The following UNC13C variants were observed in gnomAD, a reference collection of about 807,000 sequenced individuals.
UNC13C encodes the protein protein unc-13 homolog C.
In UNC13C, 174 loss-of-function variants were observed where a neutral mutation model predicts 245.4. That is an observed-to-expected ratio of 0.71 (90% CI 0.63 to 0.80). The LOEUF is 0.80. Ranked by LOEUF, UNC13C falls within the 30% of genes least tolerant of loss-of-function variation. The pLI is 0.00. For missense variants in UNC13C, 2,829 were observed against 2,602.9 expected (o/e 1.09, Z -1.89); for synonymous variants, 992 against 895.1 (o/e 1.11, Z -1.93).
chr15:54,327,938 C>G (rs1227896103), intron 14 of UNC13C, among the ~76,000 whole-genome samples: 1 of 151,956 alleles, frequency 6.6e-6, no homozygotes, highest in African/African-American at 2.4e-5. Context: ...AAAATATTTC[C>G]ATGTGAAGGG....
intron 10 of UNC13C, among the ~76,000 whole-genome samples, chr15:54,268,331 A>G (rs1399990717): frequency 2.0e-5 from 3 of 152,064 alleles, no homozygotes; most frequent in Middle Eastern, 3.2e-3. Context: ...CCATGCCTCA[A>G]CTTAAATTTT....
intron 4 of UNC13C, among the ~76,000 whole-genome samples, chr15:54,211,805 T>C (rs2034886856): frequency 6.6e-6 from 1 of 152,142 alleles, no homozygotes; most frequent in African/African-American, 2.4e-5. Flanking sequence ...AATGAGCTTG[T>C]ATGACAACTC....
At chr15:54,309,937 A>G (rs1032699766) in intron 13 of UNC13C, among the ~76,000 whole-genome samples, 6 of 151,800 alleles carry the variant, frequency 4.0e-5, no homozygotes, top group South Asian at 2.1e-4. Flanking sequence ...AACTTTTCCC[A>G]TGGAACTAAA....
chr15:54,184,740 G>A (rs1318696874), intron 4 of UNC13C, among the ~76,000 whole-genome samples: 1 of 152,162 alleles, frequency 6.6e-6, no homozygotes, highest in Non-Finnish European at 1.5e-5. Flanking sequence ...ATGTGCATGT[G>A]TCTTTATAGC....
chr15:54,107,900 T>A (rs1461921444), intron 2 of UNC13C, among the ~76,000 whole-genome samples: 7 of 152,180 alleles, frequency 4.6e-5, no homozygotes, highest in African/African-American at 1.7e-4. Flanking sequence ...ACACATGAGT[T>A]GAGTCTTGAG....
chr15:54,034,546 T>G (rs1012089739), intron 2 of UNC13C, among the ~76,000 whole-genome samples: 3 of 152,224 alleles, frequency 2.0e-5, no homozygotes, highest in African/African-American at 7.2e-5. Context: ...ATTTTTGAGT[T>G]TCCTTAAAAA....
chr15:54,543,970 A>C (rs1896365641), intron 26 of UNC13C, among the ~76,000 whole-genome samples: 2 of 152,224 alleles, frequency 1.3e-5, no homozygotes. Flanking sequence ...CCTGATAACA[A>C]AACCTGGCAG....
chr15:54,617,839 T>G lies in UNC13C; in HGVS notation c.6107-4488T>G, dbSNP rs548739068. On this transcript the variant is annotated intron_variant, in intron 30 of 32. Transcript: ENST00000260323. ...CCTGGACCTGAAGATGGAGGAGCTA[T>G]GGGGCAGATGAGCTTGATATTTAAT... is the stretch of plus-strand genomic sequence containing the variant. Among the ~76,000 whole-genome samples the G allele has an allele frequency of 3.9e-5, 6 of 152,170 alleles. 1 individual carries two copies. Among genetic ancestry groups the G allele is most frequent in the African/African-American group, 1.4e-4 (6 of 41,534 alleles).
At chr15:54,088,494 G>C (rs1284241085) in intron 2 of UNC13C, among the ~76,000 whole-genome samples, 1 of 152,166 alleles carries the variant, frequency 6.6e-6, no homozygotes, top group African/African-American at 2.4e-5. Flanking sequence ...TGGCGGTTCT[G>C]CTGATCCATA....
At chr15:54,219,513 C>G (rs1305831921) in intron 4 of UNC13C, among the ~76,000 whole-genome samples, 2 of 148,882 alleles carry the variant, frequency 1.3e-5, no homozygotes, top group Non-Finnish European at 3.0e-5. Flanking sequence ...CAAACCTAGG[C>G]ATTACCATTC....
At chr15:54,123,971 C>G (rs2030855926) in intron 2 of UNC13C, among the ~76,000 whole-genome samples, 1 of 152,214 alleles carries the variant, frequency 6.6e-6, no homozygotes, top group East Asian at 1.9e-4. Context: ...TGGAGACTGG[C>G]TTTTTTCACT....
intron 8 of UNC13C, among the ~76,000 whole-genome samples, chr15:54,257,641 C>T (rs1234281246): frequency 6.6e-6 from 1 of 152,138 alleles, no homozygotes; most frequent in Non-Finnish European, 1.5e-5. Flanking sequence ...GATAGAGTTA[C>T]CTACAGGCTC....
chr15:54,209,612 C>T (rs2034819501), intron 4 of UNC13C, among the ~76,000 whole-genome samples: 1 of 151,972 alleles, frequency 6.6e-6, no homozygotes, highest in African/African-American at 2.4e-5. Flanking sequence ...CAGGATTTTG[C>T]CATATTGCCA....
chr15:54,420,210 G>A (rs1011044142), intron 19 of UNC13C, among the ~76,000 whole-genome samples: 6 of 152,042 alleles, frequency 3.9e-5, no homozygotes, highest in South Asian at 4.1e-4. Context: ...ACATACGTAA[G>A]TAGCTCCTGT....
rs377324818 is a variant in UNC13C, at chr15:54,060,681, C to T, written c.2983+44795C>T. 2.1e-4 allele frequency among the ~76,000 whole-genome samples: 32 copies of T among 150,898 alleles called. No homozygotes were observed. The East Asian group carries it at 2.9e-3, about 14-fold the overall frequency. ...GACACATGCACACGTATGTTTATTG[C>T]GGCACTATTCACAATAGCAAAGACT... On this transcript the variant is annotated intron_variant, in intron 2 of 32. Transcript: ENST00000260323.
chr15:53,850,563 G>C, the UNC13C span, among the ~76,000 whole-genome samples: 7 of 151,864 alleles, frequency 4.6e-5, no homozygotes, highest in Admixed American at 6.6e-5. Flanking sequence ...ATCATTCCTT[G>C]TTGCACTGAA....
chr15:54,290,484 G>A (rs1042201805), intron 10 of UNC13C, among the ~76,000 whole-genome samples: 5 of 151,930 alleles, frequency 3.3e-5, no homozygotes, highest in South Asian at 4.2e-4. Flanking sequence ...ACTTATACAA[G>A]GAACATCAGT....
chr15:54,045,318 C>T (rs1896988878), intron 2 of UNC13C, among the ~76,000 whole-genome samples: 1 of 152,030 alleles, frequency 6.6e-6, no homozygotes, highest in Admixed American at 6.6e-5. Flanking sequence ...TTTTTCTGTT[C>T]CCCATTGAAT....
At chr15:54,431,904 AC>A (rs1281431662) in intron 19 of UNC13C, among the ~76,000 whole-genome samples, 1 of 151,690 alleles carries the variant, frequency 6.6e-6, no homozygotes, top group African/African-American at 2.4e-5. Context: ...TCCTAGAGTA[AC>A]AAAAAGATAA....
Sources: allele counts gnomAD v4.1 joint callset (sites outside exome capture counted in the v4.1 genomes callset), GRCh38; gene constraint gnomAD v4.1.1; transcripts MANE v1.5; gene names NCBI Gene and HGNC (gene_info 2026-07-23, HGNC 2026-07-21).